The following MDGA2 variants were observed in gnomAD, a reference collection of about 807,000 sequenced individuals.
The protein encoded by MDGA2 is MAM domain containing glycosylphosphatidylinositol anchor 2.
A neutral mutation model predicts 117.8 loss-of-function variants in MDGA2; 40 were observed. The observed-to-expected ratio is 0.34, with a 90% CI of 0.26 to 0.44. The LOEUF is 0.44. Ranked by LOEUF, MDGA2 falls within the 20% of genes least tolerant of loss-of-function variation. MDGA2 has a pLI of 1.00. For missense variants in MDGA2, 1,123 were observed against 1,250.6 expected, an observed-to-expected ratio of 0.90 and a Z score of 1.54; for synonymous variants, 452 against 439.0, an observed-to-expected ratio of 1.03 and a Z score of -0.37.
intron 1 of MDGA2, among the ~76,000 whole-genome samples, chr14:47,623,653 A>G (rs1205389076): frequency 6.6e-6 from 1 of 152,192 alleles, no homozygotes; most frequent in Non-Finnish European, 1.5e-5. Flanking sequence ...TGTCATTACA[A>G]TTGTGTGAGT....
intron 8 of MDGA2, among the ~76,000 whole-genome samples, chr14:46,986,829 A>C (rs1397625626): frequency 6.6e-6 from 1 of 152,090 alleles, no homozygotes; most frequent in Non-Finnish European, 1.5e-5. Context: ...ATAACCTGCC[A>C]AGTGTGTCTG....
At chr14:46,912,055 AG>A (rs756224868) in intron 10 of MDGA2, among the ~76,000 whole-genome samples, 1 of 152,134 alleles carries the variant, frequency 6.6e-6, no homozygotes, top group Non-Finnish European at 1.5e-5. Flanking sequence ...GGGATGTGAA[AG>A]GAAACCAGAG....
At chr14:47,561,158 G>GTTTTTTTTTTTTTTTTTTTTTTTTTTTTT (rs200625450) in intron 1 of MDGA2, among the ~76,000 whole-genome samples, 2 of 55,068 alleles carry the variant, frequency 3.6e-5, no homozygotes, top group Non-Finnish European at 4.3e-5. Context: ...TTTTTGTTTT[G>GTTTTTTTTTTTTTTTTTTTTTTTTTTTTT]TTTTGTTTTT....
At chr14:47,316,712 G>A (rs1206636318) in intron 1 of MDGA2, among the ~76,000 whole-genome samples, 1 of 151,980 alleles carries the variant, frequency 6.6e-6, no homozygotes, top group Non-Finnish European at 1.5e-5. Flanking sequence ...AGAATGCAAA[G>A]TATGTATTTG....
chr14:46,978,604 T>C lies in MDGA2; in HGVS notation c.1820-20961A>G, dbSNP rs923959874. Among the ~76,000 whole-genome samples, 5 of 152,066 alleles carry C rather than the reference T, an allele frequency of 3.3e-5. No individual in the cohort carries two copies. The South Asian group carries it at 1.0e-3, about 31-fold the overall frequency. ...CTTTTTAATGTGCCATAAATTCCTT[T>C]ATATCAAATAACTGTAAATATGAAG... On this transcript the variant is annotated intron_variant, in intron 8 of 16. Coordinates refer to ENST00000399232, the MANE Select transcript of MDGA2 (RefSeq NM_001113498.3).
intron 14 of MDGA2, among the ~76,000 whole-genome samples, chr14:46,866,159 AACCAAAACAGCATGGTACTGGT>A (rs1275673611): frequency 6.6e-6 from 1 of 152,064 alleles, no homozygotes; most frequent in Non-Finnish European, 1.5e-5. Flanking sequence ...AGGCTACAGT[AACCAAAACAGCATGGTACTGGT>A]ACCAAAACAG....
At chr14:47,223,799 C>T (rs1268490940) in intron 2 of MDGA2, among the ~76,000 whole-genome samples, 1 of 152,164 alleles carries the variant, frequency 6.6e-6, no homozygotes, top group East Asian at 1.9e-4. Flanking sequence ...GTTTAACTGA[C>T]TCACAGTTCT....
At chr14:47,366,624 G>C (rs1172643454) in intron 1 of MDGA2, among the ~76,000 whole-genome samples, 1 of 151,840 alleles carries the variant, frequency 6.6e-6, no homozygotes, top group Non-Finnish European at 1.5e-5. Context: ...ATATTCGTCT[G>C]TTACAAAAAA....
At chr14:46,914,423 A>C (rs1366675884) in intron 10 of MDGA2, among the ~76,000 whole-genome samples, 3 of 152,106 alleles carry the variant, frequency 2.0e-5, no homozygotes, top group African/African-American at 7.2e-5. Flanking sequence ...AGTTTCTTAA[A>C]GCAGTGATTC....
intron 1 of MDGA2, among the ~76,000 whole-genome samples, chr14:47,314,962 T>G (rs972602709): frequency 1.3e-5 from 2 of 152,134 alleles, no homozygotes; most frequent in African/African-American, 2.4e-5. Flanking sequence ...CCTAGAGACT[T>G]GTCTAGAGGG....
chr14:47,664,777 G>A (rs1030835596), intron 1 of MDGA2, among the ~76,000 whole-genome samples: 1 of 152,190 alleles, frequency 6.6e-6, no homozygotes, highest in Non-Finnish European at 1.5e-5. Flanking sequence ...AGTTGCTGCT[G>A]CTAAACAGCA....
At chr14:47,430,167 A>T (rs1032244630) in intron 1 of MDGA2, among the ~76,000 whole-genome samples, 3 of 151,844 alleles carry the variant, frequency 2.0e-5, no homozygotes, top group Admixed American at 6.6e-5. Flanking sequence ...GTCTTAAGCA[A>T]GGCAGTGTTG....
At chr14:47,114,574 C>A (rs1881219602) in intron 5 of MDGA2, among the ~76,000 whole-genome samples, 1 of 151,928 alleles carries the variant, frequency 6.6e-6, no homozygotes, top group African/African-American at 2.4e-5. Flanking sequence ...AAAACAGACA[C>A]ATAGACCAAT....
intron 1 of MDGA2, among the ~76,000 whole-genome samples, chr14:47,565,770 C>T (rs893135144): frequency 6.6e-6 from 1 of 152,190 alleles, no homozygotes; most frequent in African/African-American, 2.4e-5. Flanking sequence ...CATGTGCACA[C>T]ATTCATACCC....
chr14:47,389,999 G>T (rs797017501), intron 1 of MDGA2, among the ~76,000 whole-genome samples: 4 of 152,244 alleles, frequency 2.6e-5, no homozygotes, highest in African/African-American at 7.2e-5. Context: ...GCTACCCATG[G>T]AAGTAGAGGA....
At chr14:46,980,067 G>T (rs1438553338) in intron 8 of MDGA2, among the ~76,000 whole-genome samples, 2 of 152,180 alleles carry the variant, frequency 1.3e-5, no homozygotes, top group African/African-American at 4.8e-5. Context: ...TAGTGTAAGT[G>T]TAAGTCAATG....
At chr14:47,127,052 TAAAGTA>T (rs1319682439) in intron 5 of MDGA2, among the ~76,000 whole-genome samples, 2 of 152,150 alleles carry the variant, frequency 1.3e-5, no homozygotes, top group Admixed American at 1.3e-4. Context: ...ATTTCTAAAG[TAAAGTA>T]AGACTTTTAT....
At chr14:46,920,715 G>A (rs997936671) in intron 9 of MDGA2, among the ~76,000 whole-genome samples, 1 of 152,068 alleles carries the variant, frequency 6.6e-6, no homozygotes, top group African/African-American at 2.4e-5. Context: ...CGATGCCTGA[G>A]AGGGAACAAC....
chr14:47,607,402 TAAG>T (rs966932079), intron 1 of MDGA2, among the ~76,000 whole-genome samples: 1 of 152,198 alleles, frequency 6.6e-6, no homozygotes, highest in Non-Finnish European at 1.5e-5. Flanking sequence ...TTACTGCAGC[TAAG>T]AAGGAAAATA....
Sources: allele counts gnomAD v4.1 joint callset (sites outside exome capture counted in the v4.1 genomes callset), GRCh38; gene constraint gnomAD v4.1.1; transcripts MANE v1.5; gene names NCBI Gene and HGNC (gene_info 2026-07-23, HGNC 2026-07-21).